Variants in GLI3 observed in about 807,000 individuals in gnomAD.
GLI3 encodes the protein transcription activator GLI3.
In GLI3, 20 loss-of-function variants were observed where a neutral mutation model predicts 100.8. That is an observed-to-expected ratio of 0.20 (90% CI 0.14 to 0.29). The LOEUF is 0.29. GLI3 is among the 10% of genes least tolerant of loss of function. GLI3 has a pLI of 1.00. For synonymous variants in GLI3, 938 were observed against 860.5 expected (o/e 1.09, Z -1.58); for missense variants, 2,040 against 2,128.5 (o/e 0.96, Z 0.82).
intron 8 of GLI3, 22 bp downstream of exon 8, chr7:42,026,173 CGGGT>C (rs1562691695): frequency 1.9e-6 from 3 of 1,559,146 alleles, no homozygotes. Flanking sequence ...CCAGCACGGC[CGGGT>C]GCATCGACCT....
chr7:42,142,973 C>T (rs1416294402), intron 3 of GLI3, among the ~76,000 whole-genome samples: 2 of 148,810 alleles, frequency 1.3e-5, no homozygotes, highest in Non-Finnish European at 3.0e-5. Context: ...GTAAGTGGCT[C>T]ACTGTTTCTA....
At chr7:42,258,670 T>A (rs1194845994) in intron 1 of GLI3, among the ~76,000 whole-genome samples, 2 of 152,172 alleles carry the variant, frequency 1.3e-5, no homozygotes, top group Non-Finnish European at 2.9e-5. Context: ...CCACAATGAC[T>A]TCTTGATTGA....
chr7:41,990,150 C>CACA lies in GLI3; in HGVS notation c.1498-11403_1498-11402insTGT, dbSNP rs939616737. Among the ~76,000 whole-genome samples, 3 of 149,414 alleles carry CACA rather than the reference C, an allele frequency of 2.0e-5. No individual in the cohort carries two copies. The East Asian group carries it at 5.8e-4, about 29-fold the overall frequency. The stretch of plus-strand genomic sequence containing the variant: ...ACACACACACACACACACACACACA[C>CACA]AATGACTATCCCTAAGAAGAACAGA... On this transcript the variant is annotated intron_variant, in intron 10 of 14. Transcript: ENST00000395925.
At chr7:42,181,997 T>G (rs1210824991) in intron 2 of GLI3, among the ~76,000 whole-genome samples, 1 of 152,160 alleles carries the variant, frequency 6.6e-6, no homozygotes, top group East Asian at 1.9e-4. Flanking sequence ...GTTTCATGTT[T>G]AGGGTCATCT....
rs142100220 is a variant in GLI3, at chr7:42,257,493, C to T, written c.-43+6501G>A. On this transcript the variant is annotated intron_variant, in intron 1 of 2. Coordinates refer to the GLI3 transcript ENST00000678978. ...CCGAGTAGCTGGGACTACAGGTGCC[C>T]GCCACCACACGTGGCTAATTTCTTG... 7.6e-3 allele frequency among the ~76,000 whole-genome samples: 1,150 copies of T among 151,978 alleles called. 14 individuals carry two copies. Among genetic ancestry groups the T allele is most frequent in the African/African-American group, 0.026 (1,086 of 41,464 alleles).
chr7:42,093,379 C>CAAAA (rs545971639), intron 3 of GLI3, among the ~76,000 whole-genome samples: 3 of 102,776 alleles, frequency 2.9e-5, no homozygotes, highest in African/African-American at 9.9e-5. Context: ...AACAATGTCT[C>CAAAA]AAAAAAAAAA....
chr7:42,139,531 T>A (rs1786514089), intron 3 of GLI3, among the ~76,000 whole-genome samples: 1 of 151,854 alleles, frequency 6.6e-6, no homozygotes, highest in African/African-American at 2.4e-5. Context: ...AATACAAAAT[T>A]AGCGTGGCAT....
At chr7:41,996,452 G>C (rs140783275) in intron 10 of GLI3, among the ~76,000 whole-genome samples, 1 of 152,154 alleles carries the variant, frequency 6.6e-6, no homozygotes, top group African/African-American at 2.4e-5. Context: ...GTCAACCGCT[G>C]GCTCATATAC....
At chr7:42,084,312 C>T (rs1396734461) in intron 3 of GLI3, among the ~76,000 whole-genome samples, 1 of 152,196 alleles carries the variant, frequency 6.6e-6, no homozygotes, top group Non-Finnish European at 1.5e-5. Flanking sequence ...AGTGAACTGA[C>T]AAAAGAAACC....
At chr7:42,011,511 T>C (rs560135342) in intron 10 of GLI3, among the ~76,000 whole-genome samples, 1 of 152,166 alleles carries the variant, frequency 6.6e-6, no homozygotes, top group African/African-American at 2.4e-5. Flanking sequence ...CAAATATCCA[T>C]CAACGGATGC....
intron 3 of GLI3, among the ~76,000 whole-genome samples, chr7:42,146,066 T>G (rs942612224): frequency 3.9e-5 from 6 of 152,180 alleles, no homozygotes; most frequent in Non-Finnish European, 8.8e-5. Context: ...TATATAATAA[T>G]GTAATTTATG....
rs182238928 is a variant in GLI3, at chr7:42,073,819, G to A, written c.473+2933C>T. 4.1e-4 allele frequency among the ~76,000 whole-genome samples: 63 copies of A among 152,286 alleles called. No homozygotes were observed. In the East Asian group the frequency reaches 0.011, roughly 26 times the overall value. On this transcript the variant is annotated intron_variant, in intron 4 of 14. Transcript: ENST00000395925. ...TTGTCTTCTTAGAATTAAAAATATTGCAAAAACTTAGTACTCTTCACTTGA... is the reference window on the plus strand; with the variant it reads ...TTGTCTTCTTAGAATTAAAAATATTACAAAAACTTAGTACTCTTCACTTGA...
intron 10 of GLI3, among the ~76,000 whole-genome samples, chr7:42,013,624 C>T (rs954009169): frequency 6.6e-6 from 1 of 152,156 alleles, no homozygotes; most frequent in Admixed American, 6.5e-5. Flanking sequence ...TCTCCCACCA[C>T]GGCCTCCCAA....
At chr7:42,050,039 C>T (rs1400531263) in intron 4 of GLI3, among the ~76,000 whole-genome samples, 1 of 152,176 alleles carries the variant, frequency 6.6e-6, no homozygotes, top group South Asian at 2.1e-4. Context: ...CCACTAAGTG[C>T]ACAGCGCAGA....
At chr7:42,096,777 T>A (rs763464395) in intron 3 of GLI3, among the ~76,000 whole-genome samples, 3 of 152,096 alleles carry the variant, frequency 2.0e-5, no homozygotes, top group Non-Finnish European at 4.4e-5. Flanking sequence ...AAATCAGCCA[T>A]GAAACCAGAC....
At chr7:42,204,752 T>C (rs900025890) in intron 2 of GLI3, among the ~76,000 whole-genome samples, 1 of 152,094 alleles carries the variant, frequency 6.6e-6, no homozygotes, top group African/African-American at 2.4e-5. Flanking sequence ...TTGAGTATGC[T>C]AAGGAAAAAA....
In GLI3 at chr7:42,043,270, A is replaced by G. The variant is rs937726847; in HGVS notation, c.826+2114T>C. On this transcript the variant is annotated intron_variant, in intron 6 of 14. Transcript: ENST00000395925. The stretch of plus-strand genomic sequence containing the variant: ...ATAACTATTAATAAATGCTACTTCA[A>G]TTACTTTAGAGGAAAAGAATATAGT... Among the ~76,000 whole-genome samples the G allele has an allele frequency of 1.3e-4, 20 of 152,332 alleles. No homozygotes were observed. In the South Asian group the frequency reaches 1.5e-3, roughly 11 times the overall value.
intron 2 of GLI3, among the ~76,000 whole-genome samples, chr7:42,183,889 C>T (rs1342299842): frequency 6.6e-6 from 1 of 152,096 alleles, no homozygotes; most frequent in East Asian, 1.9e-4. Flanking sequence ...ACCAGGCCAC[C>T]TTTTCAAAAC....
intron 7 of GLI3, among the ~76,000 whole-genome samples, chr7:42,032,001 C>A (rs1487021267): frequency 6.6e-6 from 1 of 152,122 alleles, no homozygotes. Context: ...TCAAAGTTTG[C>A]AAACTGGTTC....
Sources: gnomAD v4.1 joint callset for allele counts (sites outside exome capture counted in the v4.1 genomes callset) on GRCh38, gnomAD v4.1.1 for gene constraint, MANE v1.5 for transcripts, NCBI Gene and HGNC (gene_info 2026-07-23, HGNC 2026-07-21) for gene names.